Variants in PIEZO2 observed in about 807,000 individuals in gnomAD.
PIEZO2 encodes the protein piezo type mechanosensitive ion channel component 2.
PIEZO2 carries 172 observed loss-of-function variants against 337.3 expected under a neutral mutation model. The observed-to-expected ratio is 0.51, with a 90% CI of 0.45 to 0.58. The LOEUF (loss-of-function observed/expected upper bound fraction) is 0.58, where lower values mean the gene tolerates loss of function less well. PIEZO2 is among the 20% of genes least tolerant of loss of function. PIEZO2 has a pLI of 0.00. For synonymous variants in PIEZO2, 1,251 were observed against 1,228.5 expected (o/e 1.02, Z -0.38); for missense variants, 3,028 against 3,391.3 (o/e 0.89, Z 2.66).
intron 15 of PIEZO2, among the ~76,000 whole-genome samples, chr18:10,788,179 A>G (rs1015578020): frequency 6.6e-6 from 1 of 152,136 alleles, no homozygotes; most frequent in Non-Finnish European, 1.5e-5. Context: ...AGGAGGGCAG[A>G]TCGCTTGAAG....
intron 2 of PIEZO2, among the ~76,000 whole-genome samples, chr18:11,018,238 T>C (rs2036190021): frequency 6.6e-6 from 1 of 151,224 alleles, no homozygotes; most frequent in African/African-American, 2.5e-5. Flanking sequence ...TGTGTGTGTG[T>C]GTGTGTTCTC....
intron 49 of PIEZO2, among the ~76,000 whole-genome samples, chr18:10,688,068 C>T (rs563590483): frequency 7.2e-5 from 11 of 152,156 alleles, no homozygotes; most frequent in African/African-American, 1.7e-4. Flanking sequence ...ATACATGTGC[C>T]GTGGTGGTTT....
chr18:11,037,579 A>C (rs1319610465), intron 2 of PIEZO2, among the ~76,000 whole-genome samples: 2 of 152,234 alleles, frequency 1.3e-5, no homozygotes, highest in East Asian at 3.9e-4. Context: ...GGTTCAGAAG[A>C]GAGAGATTAT....
intron 1 of PIEZO2, among the ~76,000 whole-genome samples, chr18:11,147,101 G>T (rs1317962815): frequency 6.6e-6 from 1 of 152,214 alleles, no homozygotes; most frequent in Non-Finnish European, 1.5e-5. Flanking sequence ...CCCTCTGTGT[G>T]TAAGGCACCT....
chr18:10,817,768 A>G (rs1968882), intron 7 of PIEZO2, among the ~76,000 whole-genome samples: 26,763 of 151,870 alleles, frequency 0.18, 2,387 homozygotes, highest in Middle Eastern at 0.25. Context: ...CTAAAAATAC[A>G]AAAAATTAGC....
At position 11,112,101 on chromosome 18, in the gene PIEZO2, G is replaced by A. The variant is rs764980302; in HGVS notation, c.64+36424C>T. Among the ~76,000 whole-genome samples, 1 of 152,116 alleles carries A rather than the reference G, an allele frequency of 6.6e-6. No individual in the cohort carries two copies. The highest frequency in any genetic ancestry group is 2.4e-5 in the African/African-American group (1 of 41,420). ...TTAGAATGATTAAACTTTAAAGATG[G>A]AGTTTCTAGGTTTCTGATGAATTCC... On this transcript the variant is annotated intron_variant, in intron 1 of 55. Coordinates refer to ENST00000674853, the MANE Select transcript of PIEZO2 (RefSeq NM_001378183.1). The surrounding 1 kb of genome is among the most constrained non-coding windows in gnomAD (Gnocchi z 4.3).
chr18:10,685,003 G>T (rs2034487172), intron 49 of PIEZO2, among the ~76,000 whole-genome samples: 1 of 152,068 alleles, frequency 6.6e-6, no homozygotes, highest in South Asian at 2.1e-4. Flanking sequence ...CTGTTGCACT[G>T]CATTTCCAAT....
At chr18:10,737,463 G>A (rs1050293242) in intron 33 of PIEZO2, among the ~76,000 whole-genome samples, 3 of 152,202 alleles carry the variant, frequency 2.0e-5, no homozygotes, top group Non-Finnish European at 4.4e-5. Context: ...ATGGCAGACA[G>A]GGTCCATAGG....
intron 1 of PIEZO2, among the ~76,000 whole-genome samples, chr18:11,087,053 C>T (rs1423203454): frequency 1.3e-5 from 2 of 152,016 alleles, no homozygotes; most frequent in African/African-American, 4.8e-5. Context: ...AGGTCATACA[C>T]GTGGAGTCCT....
rs769544541 is a variant in PIEZO2 at position 10,701,955 on chromosome 18, C to G, written c.6441+34G>C. The G allele has an allele frequency of 1.9e-5, 28 of 1,461,138 alleles. No individual in the cohort carries two copies. The South Asian group carries it at 3.7e-4, about 19-fold the overall frequency. The allele number at this position is 1,461,138 out of a possible 1,614,324, so 90.5% of individuals were successfully genotyped here. Reference sequence around the variant, plus strand: ...GGTCCAGGTTATCTAGGAAGATGACCAACTTGAACTGATTAATTGTTAACA... The same window carrying G: ...GGTCCAGGTTATCTAGGAAGATGACGAACTTGAACTGATTAATTGTTAACA... On this transcript the variant is annotated intron_variant, in intron 43 of 55. Transcript: ENST00000674853.
chr18:10,790,434 T>A (rs760019194), intron 14 of PIEZO2, among the ~76,000 whole-genome samples: 10 of 152,240 alleles, frequency 6.6e-5, no homozygotes, highest in Admixed American at 1.3e-4. Flanking sequence ...TTACATTTAT[T>A]GGCATACCTA....
chr18:10,829,562 G>C (rs61559235), intron 7 of PIEZO2, among the ~76,000 whole-genome samples: 4,634 of 152,030 alleles, frequency 0.03, 157 homozygotes, highest in African/African-American at 0.088. Flanking sequence ...CCTAAAGACT[G>C]CACCAAAAAA....
chr18:10,921,815 G>T (rs1233154212), intron 3 of PIEZO2, among the ~76,000 whole-genome samples: 2 of 152,114 alleles, frequency 1.3e-5, no homozygotes, highest in African/African-American at 2.4e-5. Flanking sequence ...CTCGCCTGAG[G>T]GTGGGTCTCT....
At chr18:11,023,681 G>C (rs896642367) in intron 2 of PIEZO2, among the ~76,000 whole-genome samples, 1 of 152,218 alleles carries the variant, frequency 6.6e-6, no homozygotes, top group African/African-American at 2.4e-5. Context: ...TCCCTGTTCG[G>C]GCACTGTGGA....
chr18:10,690,256 G>A (rs1474375303), intron 48 of PIEZO2, among the ~76,000 whole-genome samples: 1 of 152,172 alleles, frequency 6.6e-6, no homozygotes, highest in East Asian at 1.9e-4. Context: ...AGGGTGTGAG[G>A]CCCCTCAGCC....
At chr18:10,998,217 C>T (rs889671449) in intron 2 of PIEZO2, among the ~76,000 whole-genome samples, 2 of 152,030 alleles carry the variant, frequency 1.3e-5, no homozygotes, top group African/African-American at 4.8e-5. Context: ...GGAAAATTAA[C>T]CTGCTATCAA....
chr18:10,725,428 A>G, intron 36 of PIEZO2: 1 of 1,601,734 alleles, frequency 6.2e-7, no homozygotes, highest in Non-Finnish European at 8.5e-7. Context: ...GCCCGCCAGT[A>G]CTGGTTGGAG....
intron 18 of PIEZO2, among the ~76,000 whole-genome samples, chr18:10,777,655 A>G (rs2038836209): frequency 6.6e-6 from 1 of 152,238 alleles, no homozygotes; most frequent in Non-Finnish European, 1.5e-5. Flanking sequence ...AAATTCTAGC[A>G]TTGTAAAATC....
intron 8 of PIEZO2, among the ~76,000 whole-genome samples, chr18:10,804,757 A>G (rs2039942728): frequency 6.6e-6 from 1 of 152,210 alleles, no homozygotes. Context: ...AACATGTTTC[A>G]TAGATGTCTA....
Sources: gnomAD v4.1 joint callset for allele counts (sites outside exome capture counted in the v4.1 genomes callset) on GRCh38, gnomAD v4.1.1 for gene constraint, Gnocchi (gnomAD v3.1) non-coding constraint, MANE v1.5 for transcripts, NCBI Gene and HGNC (gene_info 2026-07-23, HGNC 2026-07-21) for gene names.